ALPK2: variants seen among roughly 807,000 people sequenced by gnomAD.
ALPK2 encodes the protein alpha kinase 2, also known as alpha-protein kinase 2.
A neutral mutation model predicts 163.1 loss-of-function variants in ALPK2; 127 were observed. The observed-to-expected ratio is 0.78, with a 90% CI of 0.67 to 0.90. The LOEUF is 0.90. Ranked by LOEUF, ALPK2 falls within the 40% of genes least tolerant of loss-of-function variation. The pLI, the probability that ALPK2 is intolerant of heterozygous loss-of-function variation, is 0.00. For synonymous variants in ALPK2, 953 were observed against 959.1 expected (o/e 0.99, Z 0.12); for missense variants, 2,360 against 2,589.6 (o/e 0.91, Z 1.92).
chr18:58,583,062 A>G (rs948377281), intron 3 of ALPK2, among the ~76,000 whole-genome samples: 1 of 152,212 alleles, frequency 6.6e-6, no homozygotes, highest in African/African-American at 2.4e-5. Flanking sequence ...CTGGAAAGGG[A>G]AGGAGAATCA....
At position 58,557,608 on chromosome 18, in the gene ALPK2, A is replaced by C. The variant is rs145700624; in HGVS notation, c.1963-19384T>G. On this transcript the variant is annotated intron_variant, in intron 4 of 12. Transcript: ENST00000361673. ...AAAAAGTCTATTAAAGAGAAAAAGA[A>C]TTATATATAAGAATTACGTATAAAC... 2.0e-5 allele frequency among the ~76,000 whole-genome samples: 3 copies of C among 152,216 alleles called. No individual in the cohort carries two copies. In the East Asian group the frequency reaches 5.8e-4, roughly 29 times the overall value.
At chr18:58,622,584 T>C (rs182735435) in intron 1 of ALPK2, among the ~76,000 whole-genome samples, 33 of 152,312 alleles carry the variant, frequency 2.2e-4, no homozygotes, top group Admixed American at 2.0e-3. Flanking sequence ...GGAGAACTTA[T>C]GGTGCTATAA....
At chr18:58,522,072 C>T (rs2051557563) in intron 8 of ALPK2, among the ~76,000 whole-genome samples, 2 of 152,158 alleles carry the variant, frequency 1.3e-5, no homozygotes, top group African/African-American at 4.8e-5. Flanking sequence ...TGCAGTAAAT[C>T]TTTAAGATGC....
At chr18:58,505,346 C>T (rs961680503) in intron 10 of ALPK2, among the ~76,000 whole-genome samples, 1 of 152,084 alleles carries the variant, frequency 6.6e-6, no homozygotes, top group Non-Finnish European at 1.5e-5. Context: ...CCCTCAGCTT[C>T]CTGTTTCAGT....
chr18:58,531,632 T>A (rs1278678187), intron 5 of ALPK2, among the ~76,000 whole-genome samples: 2 of 104,266 alleles, frequency 1.9e-5, no homozygotes, highest in African/African-American at 7.1e-5. Flanking sequence ...AACGAACAAC[T>A]AGAAGGTGAT....
At chr18:58,517,315 CT>C in intron 8 of ALPK2, 133 bp from the exon 9 acceptor site, 1 of 855,076 alleles carries the variant, frequency 1.2e-6, no homozygotes, top group Non-Finnish European at 1.8e-6. Context: ...GGCAGACACA[CT>C]TAACCCTTCA....
At chr18:58,581,308 G>A (rs957705126) in intron 3 of ALPK2, among the ~76,000 whole-genome samples, 6 of 152,176 alleles carry the variant, frequency 3.9e-5, no homozygotes, top group East Asian at 1.9e-4. Context: ...GCTAGAGGCC[G>A]TAAAGATAAT....
chr18:58,559,310 G>A (rs1254382283), intron 4 of ALPK2, among the ~76,000 whole-genome samples: 3 of 152,164 alleles, frequency 2.0e-5, no homozygotes, highest in African/African-American at 7.2e-5. Flanking sequence ...ACAGGCAGCT[G>A]CCCGGAACAA....
chr18:58,557,686 G>A (rs4074560), intron 4 of ALPK2, among the ~76,000 whole-genome samples: 47 of 44,844 alleles, frequency 1.0e-3, no homozygotes, highest in African/African-American at 3.5e-3. Context: ...GTGTGTGTGT[G>A]TGTATATATA....
intron 10 of ALPK2, among the ~76,000 whole-genome samples, chr18:58,513,164 G>T (rs1390420542): frequency 1.3e-5 from 2 of 149,906 alleles, no homozygotes; most frequent in African/African-American, 4.9e-5. Context: ...TGGTGTGGGG[G>T]TGTGTGTGGG....
chr18:58,628,368 G>C (rs1041368773), intron 1 of ALPK2, among the ~76,000 whole-genome samples: 1 of 152,038 alleles, frequency 6.6e-6, no homozygotes, highest in East Asian at 1.9e-4. Context: ...AAAGTCTCTG[G>C]GGCCTGAGTT....
chr18:58,553,454 A>C (rs2051769955), intron 4 of ALPK2, among the ~76,000 whole-genome samples: 1 of 152,138 alleles, frequency 6.6e-6, no homozygotes, highest in Non-Finnish European at 1.5e-5. Flanking sequence ...TGCTTGCTCC[A>C]GTACTTGATA....
chr18:58,608,966 A>G (rs930062807), intron 2 of ALPK2, among the ~76,000 whole-genome samples: 5 of 151,528 alleles, frequency 3.3e-5, no homozygotes, highest in Non-Finnish European at 5.9e-5. Flanking sequence ...TCAAAAAAAA[A>G]AAAAGAAAAG....
intron 5 of ALPK2, among the ~76,000 whole-genome samples, chr18:58,530,735 C>A (rs954310724): frequency 6.6e-6 from 1 of 152,268 alleles, no homozygotes; most frequent in South Asian, 2.1e-4. Flanking sequence ...TTGGATAGGA[C>A]CCCTGACTAT....
Position 58,537,447 on chromosome 18 carries a change from C to A in ALPK2, c.2740G>T (p.Val914Leu). The A allele has an allele frequency of 6.2e-6, 10 of 1,612,468 alleles. No homozygotes were observed. The highest frequency in any genetic ancestry group is 8.5e-6 in the Non-Finnish European group (10 of 1,178,898). ...GCCAGTGGGTAGGTGGAATTCTCCA[C>A]CTTGGCTAGATTTTCTCCTGTGGCA... ...EGATGENLAK[V>L]ENSTYPLAST... Residue 914 changes from valine (V) to leucine (L), a missense_variant, in exon 5 of 13, where the codon GTG becomes TTG. By Grantham distance (32) the Val-to-Leu change is conservative (BLOSUM62 1). Transcript: ENST00000361673.
chr18:58,577,095 A>G (rs1602226077), intron 4 of ALPK2, among the ~76,000 whole-genome samples: 1 of 152,350 alleles, frequency 6.6e-6, no homozygotes, highest in East Asian at 1.9e-4. Flanking sequence ...CATAGAGTAC[A>G]TGAGATAGAT....
At position 58,523,217 on chromosome 18, in the gene ALPK2, T is replaced by C. The variant is rs550355686; in HGVS notation, c.5665+589A>G. On this transcript the variant is annotated intron_variant, in intron 8 of 12. Coordinates refer to ENST00000361673, the MANE Select transcript of ALPK2 (RefSeq NM_052947.4). Reference sequence around the variant, plus strand: ...CTGAGAATGATGATTTCCAATTTCATCCATGTCCCTAACAAAGGACATGAA... The same window carrying C: ...CTGAGAATGATGATTTCCAATTTCACCCATGTCCCTAACAAAGGACATGAA... 4.1e-3 allele frequency among the ~76,000 whole-genome samples: 630 copies of C among 151,844 alleles called. 3 individuals carry two copies. The highest frequency in any genetic ancestry group is 0.014 in the African/African-American group (598 of 41,412).
chr18:58,570,020 C>T (rs2051877227), intron 4 of ALPK2, among the ~76,000 whole-genome samples: 1 of 151,960 alleles, frequency 6.6e-6, no homozygotes, highest in Non-Finnish European at 1.5e-5. Flanking sequence ...ATCCCAGCTA[C>T]TCGGAAGGCC....
chr18:58,574,998 G>A (rs2051911840), intron 4 of ALPK2, among the ~76,000 whole-genome samples: 1 of 152,086 alleles, frequency 6.6e-6, no homozygotes, highest in Non-Finnish European at 1.5e-5. Flanking sequence ...TGGATCACCT[G>A]AGGTCGGGAG....
Sources: gnomAD v4.1 joint callset for allele counts (sites outside exome capture counted in the v4.1 genomes callset) on GRCh38, gnomAD v4.1.1 for gene constraint, MANE v1.5 for transcripts, NCBI Gene and HGNC (gene_info 2026-07-23, HGNC 2026-07-21) for gene names.